RIMS1: variants seen among roughly 807,000 people sequenced by gnomAD.
RIMS1 encodes the protein regulating synaptic membrane exocytosis protein 1.
In RIMS1, 83 loss-of-function variants were observed where a neutral mutation model predicts 214.1. The observed-to-expected ratio is 0.39, with a 90% CI of 0.32 to 0.47. The LOEUF is 0.47. Among genes scored for constraint, RIMS1 ranks in the 20% least tolerant of loss-of-function variants. The probability of loss-of-function intolerance (pLI) is 0.99; values close to 1 mark genes in which losing one functional copy is unlikely to be tolerated. For synonymous variants in RIMS1, 793 were observed against 786.8 expected (o/e 1.01, Z -0.13); for missense variants, 2,050 against 2,161.8 (o/e 0.95, Z 1.03).
chr6:71,926,167 GT>G, intron 1 of RIMS1, among the ~76,000 whole-genome samples: 1 of 152,134 alleles, frequency 6.6e-6, no homozygotes, highest in East Asian at 1.9e-4. Flanking sequence ...TCTTGACCTT[GT>G]GATCCACCTG....
chr6:72,203,039 G>T (rs184908328), intron 6 of RIMS1, among the ~76,000 whole-genome samples: 77 of 152,186 alleles, frequency 5.1e-4, no homozygotes, highest in Non-Finnish European at 8.1e-4. Flanking sequence ...CCAGGCCGGA[G>T]TGTGGTGGTG....
intron 4 of RIMS1, among the ~76,000 whole-genome samples, chr6:72,118,224 G>C (rs2037472888): frequency 6.6e-6 from 1 of 151,212 alleles, no homozygotes; most frequent in African/African-American, 2.4e-5. Context: ...ATTAAATCAG[G>C]AAGATATAGA....
chr6:72,004,784 G>A (rs1163077179), intron 2 of RIMS1, among the ~76,000 whole-genome samples: 3 of 151,618 alleles, frequency 2.0e-5, no homozygotes, highest in Non-Finnish European at 4.4e-5. Context: ...TTTGTCAGAT[G>A]AGTAGGTTGT....
intron 2 of RIMS1, among the ~76,000 whole-genome samples, chr6:72,093,975 C>T (rs1458218804): frequency 6.6e-6 from 1 of 152,070 alleles, no homozygotes; most frequent in Admixed American, 6.5e-5. Context: ...TCATTTTTGT[C>T]CTTTGAGAAT....
At chr6:72,269,187 C>T (rs2081916466) in intron 22 of RIMS1, among the ~76,000 whole-genome samples, 1 of 152,160 alleles carries the variant, frequency 6.6e-6, no homozygotes, top group African/African-American at 2.4e-5. Context: ...TGAAGTTCTT[C>T]TGTGGTTTAC....
intron 2 of RIMS1, among the ~76,000 whole-genome samples, chr6:71,981,419 C>T (rs1018637857): frequency 6.6e-6 from 1 of 152,120 alleles, no homozygotes; most frequent in Non-Finnish European, 1.5e-5. Flanking sequence ...TCTTCTTGCT[C>T]AATCTTGGGC....
intron 27 of RIMS1, among the ~76,000 whole-genome samples, chr6:72,310,789 A>G (rs1450084475): frequency 6.6e-6 from 1 of 152,172 alleles, no homozygotes; most frequent in Non-Finnish European, 1.5e-5. Flanking sequence ...TAAAATGTTA[A>G]CATATTAGTT....
chr6:72,215,075 A>G (rs2055235743), intron 6 of RIMS1, among the ~76,000 whole-genome samples: 1 of 152,206 alleles, frequency 6.6e-6, no homozygotes, highest in Non-Finnish European at 1.5e-5. Context: ...TAGCGATTTC[A>G]ACCAGACAAA....
chr6:72,120,363 G>T (rs1004420078), intron 4 of RIMS1, among the ~76,000 whole-genome samples: 2 of 151,674 alleles, frequency 1.3e-5, no homozygotes, highest in Admixed American at 1.3e-4. Context: ...GTGTGAGATG[G>T]TATCTCATTG....
intron 29 of RIMS1, among the ~76,000 whole-genome samples, chr6:72,338,712 A>G (rs9442770): frequency 0.92 from 139,471 of 151,940 alleles, 64,229 homozygotes; most frequent in East Asian, 1. Context: ...CACACAAGAC[A>G]TACTATTCCC....
chr6:72,319,035 T>A (rs994435942), intron 28 of RIMS1, among the ~76,000 whole-genome samples: 1 of 151,928 alleles, frequency 6.6e-6, no homozygotes, highest in Non-Finnish European at 1.5e-5. Context: ...AATTTTTTTT[T>A]AAATTTGCTT....
chr6:72,142,886 T>A (rs2042243665), intron 4 of RIMS1, among the ~76,000 whole-genome samples: 1 of 152,186 alleles, frequency 6.6e-6, no homozygotes, highest in South Asian at 2.1e-4. Context: ...TAACCTAGTA[T>A]ATGAAGTACA....
chr6:72,365,489 T>C (rs1474402940), intron 29 of RIMS1, among the ~76,000 whole-genome samples: 1 of 152,246 alleles, frequency 6.6e-6, no homozygotes, highest in African/African-American at 2.4e-5. Context: ...TTCCAAAATA[T>C]CACTTGCAGT....
chr6:72,389,720 G>A (rs796485054), intron 29 of RIMS1, among the ~76,000 whole-genome samples: 16 of 152,236 alleles, frequency 1.1e-4, no homozygotes, highest in South Asian at 4.1e-4. Context: ...TATATAGGAC[G>A]TATAGATGGA....
chr6:72,374,020 T>G (rs2098298426), intron 29 of RIMS1, among the ~76,000 whole-genome samples: 1 of 152,180 alleles, frequency 6.6e-6, no homozygotes, highest in South Asian at 2.1e-4. Flanking sequence ...GTTCAAGTGA[T>G]TCTTCTGCCT....
At chr6:72,152,860 T>C (rs539945864) in intron 4 of RIMS1, among the ~76,000 whole-genome samples, 3 of 122,286 alleles carry the variant, frequency 2.5e-5, no homozygotes, top group African/African-American at 9.6e-5. Context: ...TATATGTATA[T>C]ATATGTATAT....
At chr6:71,894,054 A>C (rs137968694) in intron 1 of RIMS1, among the ~76,000 whole-genome samples, 30 of 152,342 alleles carry the variant, frequency 2.0e-4, no homozygotes, top group African/African-American at 7.2e-4. Context: ...AGCAATTAAC[A>C]GTGTTAAAAT....
In RIMS1 at chr6:72,128,544, C is replaced by G. The variant is rs549092909; in HGVS notation, c.471+28558C>G. 4.1e-4 allele frequency among the ~76,000 whole-genome samples: 62 copies of G among 152,330 alleles called. 2 individuals carry two copies. Among genetic ancestry groups the G allele is most frequent in the African/African-American group, 1.5e-3 (62 of 41,574 alleles). ...TGACTAGCTAACCACGAGTGAGTCT[C>G]TGCTGGTCCCCAGGCTGCCAGCCTC... On this transcript the variant is annotated intron_variant, in intron 4 of 33. Coordinates refer to ENST00000521978, the MANE Select transcript of RIMS1 (RefSeq NM_014989.7).
chr6:72,393,122 A>G (rs561040322), intron 31 of RIMS1, among the ~76,000 whole-genome samples: 1 of 151,730 alleles, frequency 6.6e-6, no homozygotes, highest in South Asian at 2.1e-4. Context: ...AAAGTATAGT[A>G]ACATAACTAT....
Sources: allele counts gnomAD v4.1 joint callset (sites outside exome capture counted in the v4.1 genomes callset), GRCh38; gene constraint gnomAD v4.1.1; transcripts MANE v1.5; gene names NCBI Gene and HGNC (gene_info 2026-07-23, HGNC 2026-07-21).